Variants in ADGRF5 observed in about 807,000 individuals in gnomAD.
The protein encoded by ADGRF5 is G-protein coupled receptor 116.
ADGRF5 carries 75 observed loss-of-function variants against 132.3 expected under a neutral mutation model. That is an observed-to-expected ratio of 0.57 (90% CI 0.47 to 0.69). The LOEUF (loss-of-function observed/expected upper bound fraction) is 0.69, where lower values mean the gene tolerates loss of function less well. ADGRF5 is among the 30% of genes least tolerant of loss of function. ADGRF5 has a pLI of 0.00. For synonymous variants in ADGRF5, 629 were observed against 597.6 expected, an observed-to-expected ratio of 1.05 and a Z score of -0.77; for missense variants, 1,516 against 1,630.6, an observed-to-expected ratio of 0.93 and a Z score of 1.21.
chr6:46,862,979 G>C lies in ADGRF5; in HGVS notation c.2108C>G (p.Thr703Ser), dbSNP rs757280767. 2 of 1,613,068 alleles carry C rather than the reference G, an allele frequency of 1.2e-6. No homozygotes were observed. The highest frequency in any genetic ancestry group is 2.7e-5 in the African/African-American group (2 of 74,796). The change falls in exon 15 of 21, where the codon ACC (threonine) becomes AGC (serine). Residue 703 changes from threonine (T) to serine (S), a missense_variant. By Grantham distance (58) the Thr-to-Ser change is moderately conservative. Coordinates refer to ENST00000283296, the MANE Select transcript of ADGRF5 (RefSeq NM_001098518.2). ...PSSPESPIGG[T>S]ITYKCVGSQW... ...GGAGCCTACACATTTGTAAGTGATGGTCCCGCCAATGGGACTCTCAGGGCT... is the reference window on the plus strand; with the variant it reads ...GGAGCCTACACATTTGTAAGTGATGCTCCCGCCAATGGGACTCTCAGGGCT...
At chr6:46,857,661 G>A (rs1340335849) in intron 17 of ADGRF5, among the ~76,000 whole-genome samples, 1 of 152,178 alleles carries the variant, frequency 6.6e-6, no homozygotes, top group East Asian at 1.9e-4. Context: ...GATTTTTGAT[G>A]TTTCCAGAGA....
rs1019276526 is a variant in ADGRF5, at chr6:46,852,878, C to T, written c.*1114G>A. 2.6e-5 allele frequency: 4 copies of T among 152,462 alleles called. No individual in the cohort carries two copies. The highest frequency in any genetic ancestry group is 4.4e-5 in the Non-Finnish European group (3 of 68,014). The allele number at this position is 152,462 out of a possible 1,614,324, so 9.4% of individuals were successfully genotyped here. A position where few individuals can be genotyped will look rare whatever the true frequency, so the allele number is the denominator to read the frequency against. On this transcript the variant is annotated 3_prime_UTR_variant, in exon 21 of 21. Coordinates refer to ENST00000283296, the MANE Select transcript of ADGRF5 (RefSeq NM_001098518.2). ...ATACATAGGGAGCTATGCAACACAC[C>T]AAGGGCCAGTATCCACAATAATAAT...
intron 5 of ADGRF5, 44 bp downstream of exon 5, chr6:46,884,051 T>C (rs748496131): frequency 2.7e-6 from 4 of 1,487,090 alleles, no homozygotes; most frequent in Non-Finnish European, 9.3e-7. Flanking sequence ...CGTAAACTGA[T>C]GTTGAATAGC....
chr6:46,858,674 T>C lies in ADGRF5; in HGVS notation c.3229A>G (p.Asn1077Asp), dbSNP rs570706141. 5.0e-6 allele frequency: 8 copies of C among 1,614,128 alleles called. No homozygotes were observed. The East Asian group carries it at 8.9e-5, about 18-fold the overall frequency. ...WFIVVAAIQD[N>D]RYILCKTACV... Reference sequence around the variant, plus strand: ...GCTGTCTTGCAGAGTATGTAGCGATTGTCCTGGATGGCAGCGACCACAATG... The same window carrying C: ...GCTGTCTTGCAGAGTATGTAGCGATCGTCCTGGATGGCAGCGACCACAATG... The change falls in exon 17 of 21, where the codon AAT (asparagine) becomes GAT (aspartate). Residue 1077 changes from asparagine (N) to aspartate (D), a missense_variant. Coordinates refer to ENST00000283296, the MANE Select transcript of ADGRF5 (RefSeq NM_001098518.2).
intron 10 of ADGRF5, 115 bp from the exon 11 acceptor site, chr6:46,872,128 C>T: frequency 1.4e-6 from 1 of 711,282 alleles, no homozygotes; most frequent in Middle Eastern, 3.7e-4. Flanking sequence ...TAGATTTCTT[C>T]TCTGAATGGA....
rs1164439109 is a variant in ADGRF5, at chr6:46,872,155, T to G, written c.1241-142A>C. 5.2e-6 allele frequency: 3 copies of G among 575,240 alleles called. No homozygotes were observed. The East Asian group carries it at 8.7e-5, about 17-fold the overall frequency. 35.6% of individuals were successfully genotyped at this position (575,240 alleles called of 1,614,324 possible). On this transcript the variant is annotated intron_variant, in intron 10 of 20. Transcript: ENST00000283296. ...CTGAATGGAGAAGTTGGGTTTATGG[T>G]GATTAGGTCTGCAGACTCTGTATCC...
At chr6:46,908,464 G>A (rs775712908) in intron 1 of ADGRF5, among the ~76,000 whole-genome samples, 9 of 152,098 alleles carry the variant, frequency 5.9e-5, no homozygotes, top group Non-Finnish European at 4.4e-5. Context: ...TAACTGAATA[G>A]TTAATGAGCC....
chr6:46,928,099 G>A (rs899011441), intron 1 of ADGRF5, among the ~76,000 whole-genome samples: 4 of 152,202 alleles, frequency 2.6e-5, no homozygotes, highest in Non-Finnish European at 5.9e-5. Flanking sequence ...ACTGACCCAA[G>A]TCAGATTGGG....
intron 3 of ADGRF5, among the ~76,000 whole-genome samples, chr6:46,897,665 C>T (rs1774328599): frequency 6.6e-6 from 1 of 152,152 alleles, no homozygotes; most frequent in Admixed American, 6.5e-5. Context: ...ACCTCCGCCT[C>T]CCGGGTTCAA....
At position 46,870,379 on chromosome 6, in the gene ADGRF5, G is replaced by A. The variant is rs200836357; in HGVS notation, c.1412-1287C>T. ...TTTGCCATGTTGCTGGGGCTAGTCTGAAACTCCTAGCCTTAAGCCATCTGC... is the reference window on the plus strand; with the variant it reads ...TTTGCCATGTTGCTGGGGCTAGTCTAAAACTCCTAGCCTTAAGCCATCTGC... On this transcript the variant is annotated intron_variant, in intron 11 of 20. Transcript: ENST00000283296. Among the ~76,000 whole-genome samples, 3 of 152,132 alleles carry A rather than the reference G, an allele frequency of 2.0e-5. No individual in the cohort carries two copies. In the East Asian group the frequency reaches 5.8e-4, roughly 29 times the overall value.
intron 3 of ADGRF5, among the ~76,000 whole-genome samples, chr6:46,897,578 C>CT (rs1275128041): frequency 6.6e-6 from 1 of 150,824 alleles, no homozygotes. Context: ...GAGTCGTGTT[C>CT]TTTTTTTTCT....
intron 17 of ADGRF5, among the ~76,000 whole-genome samples, chr6:46,857,215 T>C (rs1046178190): frequency 6.6e-6 from 1 of 152,226 alleles, no homozygotes; most frequent in Non-Finnish European, 1.5e-5. Context: ...ATAGCTGTGA[T>C]AAGAATCTGG....
intron 3 of ADGRF5, 32 bp from the exon 4 acceptor site, chr6:46,888,537 C>T (rs1293658108): frequency 6.6e-7 from 1 of 1,508,108 alleles, no homozygotes; most frequent in Admixed American, 1.7e-5. Context: ...GCTGAGAGAA[C>T]TTACCATGGG....
rs1044732709 is a variant in ADGRF5, at chr6:46,853,888, G to A, written c.*104C>T. 4.6e-5 allele frequency: 35 copies of A among 757,844 alleles called. No individual in the cohort carries two copies. The Middle Eastern group carries it at 1.1e-3, about 25-fold the overall frequency. 46.9% of individuals were successfully genotyped at this position (757,844 alleles called of 1,614,324 possible). On this transcript the variant is annotated 3_prime_UTR_variant, in exon 21 of 21. Coordinates refer to ENST00000283296, the MANE Select transcript of ADGRF5 (RefSeq NM_001098518.2). ...AAAAGTCTTTTTGGCATCTGCTCCC[G>A]GAAACCTGCCCCGAGAACACGTTCC...
chr6:46,908,179 T>C (rs920083861), intron 1 of ADGRF5, among the ~76,000 whole-genome samples: 2 of 152,216 alleles, frequency 1.3e-5, no homozygotes, highest in Admixed American at 6.5e-5. Flanking sequence ...ATTTTTTAAA[T>C]TCTGCAACTC....
intron 10 of ADGRF5, among the ~76,000 whole-genome samples, chr6:46,875,224 G>T (rs1211416870): frequency 6.6e-6 from 1 of 152,130 alleles, no homozygotes; most frequent in African/African-American, 2.4e-5. Flanking sequence ...ACACAAGCAG[G>T]ACTTCCAAAT....
At position 46,867,082 on chromosome 6, in the gene ADGRF5, G is replaced by A. The variant is rs758239720; in HGVS notation, c.1677C>T (p.Asp559=). The A allele has an allele frequency of 3.1e-6, 5 of 1,613,482 alleles. No individual in the cohort carries two copies. Among genetic ancestry groups the A allele is most frequent in the South Asian group, 2.2e-5 (2 of 91,046 alleles). ...YKNSYSIATK[D]VIVHPLPLKL... is the part of the protein sequence containing the mutation. ...TTAGAGGCAGCGGGTGAACAATGACGTCTTTGGTTGCAATACTGTATGAAT... is the reference window on the plus strand; with the variant it reads ...TTAGAGGCAGCGGGTGAACAATGACATCTTTGGTTGCAATACTGTATGAAT... The change falls in exon 13 of 21, where the codon GAC becomes GAT. Residue 559 remains aspartate (D), a synonymous_variant. Coordinates refer to ENST00000283296, the MANE Select transcript of ADGRF5 (RefSeq NM_001098518.2).
At chr6:46,886,969 G>C (rs1562193383) in intron 4 of ADGRF5, 3 of 152,146 alleles carry the variant, frequency 2.0e-5, no homozygotes, top group African/African-American at 4.8e-5. Context: ...AACTTTCCAA[G>C]GTCAATTGCA....
chr6:46,893,415 G>A (rs1212406826), intron 3 of ADGRF5, among the ~76,000 whole-genome samples: 2 of 152,132 alleles, frequency 1.3e-5, no homozygotes, highest in Non-Finnish European at 2.9e-5. Context: ...CACCTAAGGA[G>A]CAGCTTAGAT....
Sources: gnomAD v4.1 joint callset for allele counts (sites outside exome capture counted in the v4.1 genomes callset) on GRCh38, gnomAD v4.1.1 for gene constraint, MANE v1.5 for transcripts, NCBI Gene and HGNC (gene_info 2026-07-23, HGNC 2026-07-21) for gene names.